Variants in ROBO2 observed in about 807,000 individuals in gnomAD.
ROBO2 encodes the protein roundabout guidance receptor 2.
In ROBO2, 53 loss-of-function variants were observed where a neutral mutation model predicts 160.8. That is an observed-to-expected ratio of 0.33 (90% CI 0.26 to 0.41). ROBO2 has a LOEUF of 0.41. Among genes scored for constraint, ROBO2 ranks in the 10% least tolerant of loss-of-function variants. The pLI is 1.00. For missense variants in ROBO2, 1,577 were observed against 1,722.4 expected (o/e 0.92, Z 1.49); for synonymous variants, 664 against 611.7 (o/e 1.09, Z -1.26).
At chr3:77,265,063 A>G (rs1185857574) in intron 2 of ROBO2, among the ~76,000 whole-genome samples, 1 of 152,162 alleles carries the variant, frequency 6.6e-6, no homozygotes, top group Non-Finnish European at 1.5e-5. Context: ...GGAATATGGT[A>G]TCATTAAATA....
intron 2 of ROBO2, among the ~76,000 whole-genome samples, chr3:76,155,450 C>T (rs1433013255): frequency 6.6e-6 from 1 of 152,002 alleles, no homozygotes; most frequent in East Asian, 1.9e-4. Context: ...AAAGATAGAA[C>T]AAAGTTTACA....
Position 77,644,692 on chromosome 3 carries a change from T to C in ROBO2, c.3935-12T>C. The C allele has an allele frequency of 1.2e-6, 2 of 1,613,878 alleles. No individual in the cohort carries two copies. Among genetic ancestry groups the C allele is most frequent in the Non-Finnish European group, 1.7e-6 (2 of 1,179,948 alleles). Reference sequence around the variant, plus strand: ...TGTTCAATTTAGCCTTTGGGTTTTTTTTCTTTTTCAGAGGAGGCCTTGGTG... The same window carrying C: ...TGTTCAATTTAGCCTTTGGGTTTTTCTTCTTTTTCAGAGGAGGCCTTGGTG... On this transcript the variant is annotated splice_polypyrimidine_tract_variant and intron_variant, in intron 24 of 25. Transcript: ENST00000461745.
chr3:76,368,008 C>T (rs2075913628), intron 2 of ROBO2, among the ~76,000 whole-genome samples: 1 of 151,470 alleles, frequency 6.6e-6, no homozygotes, highest in South Asian at 2.1e-4. Flanking sequence ...TGGTGTCAAA[C>T]CTAAATATGG....
At chr3:76,809,134 A>G (rs1193732486) in intron 2 of ROBO2, among the ~76,000 whole-genome samples, 6 of 152,204 alleles carry the variant, frequency 3.9e-5, no homozygotes, top group Non-Finnish European at 8.8e-5. Flanking sequence ...ATATCCATTT[A>G]TCACTGGACA....
chr3:76,055,222 G>A (rs969495655), intron 2 of ROBO2, among the ~76,000 whole-genome samples: 1 of 152,030 alleles, frequency 6.6e-6, no homozygotes, highest in African/African-American at 2.4e-5. Flanking sequence ...TATCTCCCAC[G>A]GGGTCCCTCC....
At chr3:76,968,361 A>C (rs142899890) in intron 2 of ROBO2, among the ~76,000 whole-genome samples, 3 of 152,296 alleles carry the variant, frequency 2.0e-5, no homozygotes, top group African/African-American at 7.2e-5. Context: ...ATATATCAAC[A>C]TGTAGTTAGT....
At chr3:76,199,156 C>T (rs537402422) in intron 2 of ROBO2, among the ~76,000 whole-genome samples, 2 of 152,142 alleles carry the variant, frequency 1.3e-5, no homozygotes, top group Non-Finnish European at 1.5e-5. Context: ...GCCACCCAAG[C>T]ATTCACATCC....
intron 2 of ROBO2, among the ~76,000 whole-genome samples, chr3:76,735,446 G>C (rs371979015): frequency 1.3e-5 from 2 of 152,034 alleles, no homozygotes; most frequent in East Asian, 3.9e-4. Context: ...AGAGGGGGAG[G>C]AAGGCAGCGG....
At chr3:76,146,061 C>G (rs552493587) in intron 2 of ROBO2, among the ~76,000 whole-genome samples, 1 of 151,904 alleles carries the variant, frequency 6.6e-6, no homozygotes, top group Non-Finnish European at 1.5e-5. Context: ...GATTCCATAG[C>G]GTTTGTAATT....
chr3:76,215,776 C>T lies in ROBO2; in HGVS notation c.109+278174C>T, dbSNP rs1017987048. Among the ~76,000 whole-genome samples, 4 of 152,166 alleles carry T rather than the reference C, an allele frequency of 2.6e-5. No individual in the cohort carries two copies. In the East Asian group the frequency reaches 5.8e-4, roughly 22 times the overall value. ...GGAGAACTTCCCCAATCTAGCAAGG[C>T]AGGCCAACATTCAAATTCAGGAAAT... On this transcript the variant is annotated intron_variant, in intron 2 of 26. Transcript: ENST00000487694.
chr3:76,358,700 A>T (rs2075320441), intron 2 of ROBO2, among the ~76,000 whole-genome samples: 1 of 152,044 alleles, frequency 6.6e-6, no homozygotes, highest in Non-Finnish European at 1.5e-5. Flanking sequence ...TAAACATGAA[A>T]CTGTCTAGGT....
chr3:77,413,384 AAATTTG>A, intron 2 of ROBO2, among the ~76,000 whole-genome samples: 1 of 152,274 alleles, frequency 6.6e-6, no homozygotes, highest in East Asian at 1.9e-4. Context: ...TAAATCCTGC[AAATTTG>A]AATGAGGTGA....
intron 2 of ROBO2, among the ~76,000 whole-genome samples, chr3:76,646,344 G>T (rs1300851061): frequency 6.6e-6 from 1 of 152,164 alleles, no homozygotes; most frequent in African/African-American, 2.4e-5. Flanking sequence ...CTGAGAGTTT[G>T]CTTGTAGAAG....
At chr3:76,300,662 A>T (rs893824664) in intron 2 of ROBO2, among the ~76,000 whole-genome samples, 1 of 152,080 alleles carries the variant, frequency 6.6e-6, no homozygotes, top group Non-Finnish European at 1.5e-5. Context: ...GTGTGTATAA[A>T]TTGTACTATT....
At chr3:76,910,150 TG>T (rs887804099) in intron 2 of ROBO2, among the ~76,000 whole-genome samples, 1 of 152,174 alleles carries the variant, frequency 6.6e-6, no homozygotes, top group Non-Finnish European at 1.5e-5. Flanking sequence ...AGCCACTCAT[TG>T]GTCTTCCTAG....
chr3:77,599,424 A>T (rs555182903), intron 19 of ROBO2, among the ~76,000 whole-genome samples: 1 of 145,072 alleles, frequency 6.9e-6, no homozygotes, highest in African/African-American at 2.6e-5. Context: ...ACATGTTCTC[A>T]CTCATAGGTG....
At chr3:77,246,316 A>AATCTAT (rs1553867452) in intron 2 of ROBO2, among the ~76,000 whole-genome samples, 1 of 116,428 alleles carries the variant, frequency 8.6e-6, no homozygotes, top group Non-Finnish European at 1.8e-5. Flanking sequence ...AACTACTGAG[A>AATCTAT]GTGTATGTGT....
At chr3:77,190,095 G>A (rs72891575) in intron 2 of ROBO2, among the ~76,000 whole-genome samples, 46 of 151,990 alleles carry the variant, frequency 3.0e-4, no homozygotes, top group Middle Eastern at 3.4e-3. Flanking sequence ...TTGAAATGAC[G>A]TATTTGTTCT....
At chr3:75,919,296 A>G (rs1273417075) in intron 1 of ROBO2, among the ~76,000 whole-genome samples, 1 of 152,182 alleles carries the variant, frequency 6.6e-6, no homozygotes, top group Non-Finnish European at 1.5e-5. Flanking sequence ...TGAGATAATC[A>G]TGCAGTTTTT....
Sources: allele counts gnomAD v4.1 joint callset (sites outside exome capture counted in the v4.1 genomes callset), GRCh38; gene constraint gnomAD v4.1.1; transcripts MANE v1.5; gene names NCBI Gene and HGNC (gene_info 2026-07-23, HGNC 2026-07-21).